Variants in JAKMIP1 observed in about 807,000 individuals in gnomAD.
The protein encoded by JAKMIP1 is janus kinase and microtubule interacting protein 1, also known as janus kinase and microtubule-interacting protein 1.
A neutral mutation model predicts 113.0 loss-of-function variants in JAKMIP1; 33 were observed. The ratio of observed to expected loss-of-function variants is 0.29; its 90% CI spans 0.22 to 0.39. JAKMIP1 has a LOEUF of 0.39. Among genes scored for constraint, JAKMIP1 ranks in the 10% least tolerant of loss-of-function variants. The pLI, the probability that JAKMIP1 is intolerant of heterozygous loss-of-function variation, is 1.00. For missense variants in JAKMIP1, 813 were observed against 1,080.5 expected (o/e 0.75, Z 3.47); for synonymous variants, 480 against 459.9 (o/e 1.04, Z -0.56).
rs371484462 is a variant in JAKMIP1 at position 6,183,988 on chromosome 4, G to A, written c.-148+16265C>T. On this transcript the variant is annotated intron_variant, in intron 1 of 20. Transcript: ENST00000409021. The surrounding 1 kb of genome is among the most constrained non-coding windows in gnomAD (Gnocchi z 5.3). The stretch of plus-strand genomic sequence containing the variant: ...TTGCAACTGTCACCCTATACTTTTC[G>A]TTTTGAAAGTTGAATTCATCAGAGC... Among the ~76,000 whole-genome samples, 24 of 152,260 alleles carry A rather than the reference G, an allele frequency of 1.6e-4. No homozygotes were observed. The South Asian group carries it at 1.7e-3, about 11-fold the overall frequency.
chr4:6,026,302 A>T, intron 20 of JAKMIP1, 24 bp from the exon 21 acceptor site: 1 of 1,124,644 alleles, frequency 8.9e-7, no homozygotes, highest in Non-Finnish European at 1.3e-6. Context: ...CCAAAAGAAA[A>T]TGAGGAAAAG....
rs1403477163 is a variant in JAKMIP1, at chr4:6,185,012, A to G, written c.-148+15241T>C. Among the ~76,000 whole-genome samples, 2 of 152,146 alleles carry G rather than the reference A, an allele frequency of 1.3e-5. No individual in the cohort carries two copies. Among genetic ancestry groups the G allele is most frequent in the African/African-American group, 4.8e-5 (2 of 41,428 alleles). On this transcript the variant is annotated intron_variant, in intron 1 of 20. Coordinates refer to ENST00000409021, the MANE Select transcript of JAKMIP1 (RefSeq NM_001099433.2). The surrounding 1 kb of genome is among the most constrained non-coding windows in gnomAD (Gnocchi z 5.3). ...TCCTCCCCTCGAACATCAGACTCCA[A>G]GTTCTTCAGCGTTTGGCCTCTTGGA...
chr4:6,079,769 A>T (rs1720233525), intron 7 of JAKMIP1, among the ~76,000 whole-genome samples: 1 of 152,206 alleles, frequency 6.6e-6, no homozygotes, highest in Non-Finnish European at 1.5e-5. Context: ...TGTGGGCCTA[A>T]ACTCACAGTC....
intron 12 of JAKMIP1, chr4:6,054,742 C>T: frequency 2.2e-6 from 1 of 456,730 alleles, no homozygotes; most frequent in South Asian, 1.5e-5. Context: ...CTACTCCAGC[C>T]CTCACCTTCT....
chr4:6,073,265 C>T (rs1171667056), intron 8 of JAKMIP1, among the ~76,000 whole-genome samples: 5 of 151,956 alleles, frequency 3.3e-5, no homozygotes, highest in Non-Finnish European at 5.9e-5. Flanking sequence ...ATAGGTCCTG[C>T]GTGTTTTGAT....
At chr4:6,169,304 C>G (rs1265017011) in intron 1 of JAKMIP1, among the ~76,000 whole-genome samples, 2 of 152,052 alleles carry the variant, frequency 1.3e-5, no homozygotes, top group East Asian at 3.9e-4. Context: ...CTAGGGTGGG[C>G]CCTTTATTCA....
At position 6,193,061 on chromosome 4, in the gene JAKMIP1, G is replaced by C. The variant is rs1214183993; in HGVS notation, c.-148+7192C>G. On this transcript the variant is annotated intron_variant, in intron 1 of 20. Transcript: ENST00000409021. This position sits in a 1 kb window ranked among gnomAD's most constrained non-coding sequence, Gnocchi z 6.4. The stretch of plus-strand genomic sequence containing the variant: ...CACCATCTAATCGGCTGCCAGCGTG[G>C]CTAGAATAAAGCAGGCAGGAGAAGA... Among the ~76,000 whole-genome samples the C allele has an allele frequency of 1.3e-5, 2 of 152,164 alleles. No individual in the cohort carries two copies. Among genetic ancestry groups the C allele is most frequent in the African/African-American group, 4.8e-5 (2 of 41,436 alleles).
chr4:6,102,721 A>ATTTTTTT (rs1560188201), intron 3 of JAKMIP1, among the ~76,000 whole-genome samples: 1 of 79,652 alleles, frequency 1.3e-5, no homozygotes, highest in African/African-American at 5.1e-5. Flanking sequence ...CTCTCTAAAG[A>ATTTTTTT]CTTTTTTTTT....
At chr4:6,033,724 A>G (rs993179757) in intron 19 of JAKMIP1, among the ~76,000 whole-genome samples, 44 of 152,160 alleles carry the variant, frequency 2.9e-4, no homozygotes, top group African/African-American at 9.7e-4. Flanking sequence ...AAACTTTAAA[A>G]CGTTAATTTT....
Position 6,135,591 on chromosome 4 carries a change from A to C in JAKMIP1, c.-147-22594T>G, listed in dbSNP as rs1478032259. 1.3e-5 allele frequency among the ~76,000 whole-genome samples: 2 copies of C among 152,170 alleles called. No individual in the cohort carries two copies. Among genetic ancestry groups the C allele is most frequent in the Non-Finnish European group, 2.9e-5 (2 of 68,032 alleles). ...CAGCCTGGCCTAGCCTTGATAAAAA[A>C]GCCATCGCATACACAGCATTTTGCA... is the stretch of plus-strand genomic sequence containing the variant. On this transcript the variant is annotated intron_variant, in intron 1 of 20. Transcript: ENST00000409021. This position sits in a 1 kb window ranked among gnomAD's most constrained non-coding sequence, Gnocchi z 4.9.
At position 6,064,605 on chromosome 4, in the gene JAKMIP1, G is replaced by A. The variant is rs1313576475; in HGVS notation, c.1431+275C>T. On this transcript the variant is annotated intron_variant, in intron 9 of 20. Coordinates refer to ENST00000409021, the MANE Select transcript of JAKMIP1 (RefSeq NM_001099433.2). The surrounding 1 kb of genome is among the most constrained non-coding windows in gnomAD (Gnocchi z 4.3). ...GCAACATCCCTCAATGACTCAGCTT[G>A]AACTTGGCAGCCACAGATTTCCTTG... 1.3e-5 allele frequency among the ~76,000 whole-genome samples: 2 copies of A among 152,130 alleles called. No homozygotes were observed. Among genetic ancestry groups the A allele is most frequent in the African/African-American group, 4.8e-5 (2 of 41,432 alleles).
rs373027574 is a variant in JAKMIP1, at chr4:6,067,443, C to A, written c.1303-2435G>T. 1.3e-5 allele frequency among the ~76,000 whole-genome samples: 2 copies of A among 152,188 alleles called. No individual in the cohort carries two copies. The highest frequency in any genetic ancestry group is 2.9e-5 in the Non-Finnish European group (2 of 68,028). On this transcript the variant is annotated intron_variant, in intron 8 of 20. Transcript: ENST00000409021. The surrounding 1 kb of genome is among the most constrained non-coding windows in gnomAD (Gnocchi z 4.6). ...TCTCCTTGCAGAGGCTGGAGACAATCATCTACTCAAATCTCCCCTCTGGAT... is the reference window on the plus strand; with the variant it reads ...TCTCCTTGCAGAGGCTGGAGACAATAATCTACTCAAATCTCCCCTCTGGAT...
chr4:6,144,136 T>C (rs1277961983), intron 1 of JAKMIP1, among the ~76,000 whole-genome samples: 1 of 152,102 alleles, frequency 6.6e-6, no homozygotes, highest in African/African-American at 2.4e-5. Context: ...AAAGTGCAAA[T>C]CTGATGCAAA....
In JAKMIP1 at chr4:6,181,167, C is replaced by T. The variant is rs548458783; in HGVS notation, c.-148+19086G>A. Among the ~76,000 whole-genome samples the T allele has an allele frequency of 5.8e-4, 88 of 152,246 alleles. 1 individual carries two copies. The highest frequency in any genetic ancestry group is 2.1e-3 in the African/African-American group (86 of 41,516). ...TGATATGACTAGATGCTGAACAGGG[C>T]GCTCCTTGACAGACACCTACCAAAC... On this transcript the variant is annotated intron_variant, in intron 1 of 20. Coordinates refer to ENST00000409021, the MANE Select transcript of JAKMIP1 (RefSeq NM_001099433.2). This position sits in a 1 kb window ranked among gnomAD's most constrained non-coding sequence, Gnocchi z 5.4.
chr4:6,075,277 G>A (rs889866848), intron 8 of JAKMIP1, among the ~76,000 whole-genome samples: 1 of 152,228 alleles, frequency 6.6e-6, no homozygotes, highest in South Asian at 2.1e-4. Context: ...ATCCATGGAT[G>A]TGAAACCCAC....
In JAKMIP1 at chr4:6,065,774, T is replaced by C. The variant is rs1014922046; in HGVS notation, c.1303-766A>G. On this transcript the variant is annotated intron_variant, in intron 8 of 20. Transcript: ENST00000409021. This position sits in a 1 kb window ranked among gnomAD's most constrained non-coding sequence, Gnocchi z 5.1. ...GGCACTTCTCCCACTCCAAATATCA[T>C]AGGATATGGGGCTTCATTCATCTGT... 5.3e-5 allele frequency among the ~76,000 whole-genome samples: 8 copies of C among 152,286 alleles called. No homozygotes were observed. The highest frequency in any genetic ancestry group is 2.1e-4 in the South Asian group (1 of 4,820).
At position 6,155,830 on chromosome 4, in the gene JAKMIP1, C is replaced by G. The variant is rs1445499420; in HGVS notation, c.-147-42833G>C. Reference sequence around the variant, plus strand: ...CCCAAGTGTGCTTGCTAACATGCAGCCTTCCTGGGTCCTGCCCTAGACCTC... The same window carrying G: ...CCCAAGTGTGCTTGCTAACATGCAGGCTTCCTGGGTCCTGCCCTAGACCTC... On this transcript the variant is annotated intron_variant, in intron 1 of 20. Transcript: ENST00000409021. This position sits in a 1 kb window ranked among gnomAD's most constrained non-coding sequence, Gnocchi z 6.1. Among the ~76,000 whole-genome samples, 2 of 152,312 alleles carry G rather than the reference C, an allele frequency of 1.3e-5. No individual in the cohort carries two copies. The highest frequency in any genetic ancestry group is 2.1e-4 in the South Asian group (1 of 4,822).
chr4:6,147,316 G>GT (rs1401283401), intron 1 of JAKMIP1, among the ~76,000 whole-genome samples: 2 of 152,100 alleles, frequency 1.3e-5, no homozygotes, highest in African/African-American at 2.4e-5. Context: ...GTTTGGTTCG[G>GT]TTTTTTATTT....
chr4:6,051,811 A>G lies in JAKMIP1; in HGVS notation c.1807-1132T>C, dbSNP rs148232456. ...TGGCAGAACAGGACTCAGGTCTCAG[A>G]TGTGTTTCCTGCACAGAATGGACTT... On this transcript the variant is annotated intron_variant, in intron 13 of 20. Coordinates refer to ENST00000409021, the MANE Select transcript of JAKMIP1 (RefSeq NM_001099433.2). This position sits in a 1 kb window ranked among gnomAD's most constrained non-coding sequence, Gnocchi z 5.0. Among the ~76,000 whole-genome samples the G allele has an allele frequency of 3.0e-3, 451 of 152,362 alleles. 1 individual carries two copies. Among genetic ancestry groups the G allele is most frequent in the Non-Finnish European group, 3.6e-3 (247 of 68,034 alleles).
Sources: allele counts gnomAD v4.1 joint callset (sites outside exome capture counted in the v4.1 genomes callset), GRCh38; gene constraint gnomAD v4.1.1; non-coding constraint Gnocchi (gnomAD v3.1); transcripts MANE v1.5; gene names NCBI Gene and HGNC (gene_info 2026-07-23, HGNC 2026-07-21).